SARDH: variants seen among roughly 807,000 people sequenced by gnomAD.
SARDH encodes the protein sarcosine dehydrogenase, mitochondrial.
Under a neutral mutation model 109.1 loss-of-function variants are expected in SARDH, and 95 were observed. The observed-to-expected ratio is 0.87, with a 90% CI of 0.74 to 1.03. The LOEUF is 1.03. Ranked by LOEUF, SARDH falls within the 50% of genes least tolerant of loss-of-function variation. The pLI, the probability that SARDH is intolerant of heterozygous loss-of-function variation, is 0.00. For missense variants in SARDH, 1,267 were observed against 1,287.8 expected (o/e 0.98, Z 0.25); for synonymous variants, 572 against 534.8 (o/e 1.07, Z -0.96).
rs1830895522 is a variant in SARDH at position 133,686,625 on chromosome 9, A to T, written c.2070-1339T>A. 6.6e-6 allele frequency among the ~76,000 whole-genome samples: 1 copy of T among 151,646 alleles called. No individual in the cohort carries two copies. The stretch of plus-strand genomic sequence containing the variant: ...TCAGTAAATAGAACTGACTGTGAAC[A>T]CCCTGGCTTGGCACAGCAGGGTGAG... On this transcript the variant is annotated intron_variant, in intron 16 of 20. Transcript: ENST00000439388. The surrounding 1 kb of genome is among the most constrained non-coding windows in gnomAD (Gnocchi z 4.0).
chr9:133,661,480 TC>T (rs1280915519), downstream of SARDH, among the ~76,000 whole-genome samples: 275 of 152,138 alleles, frequency 1.8e-3, no homozygotes, highest in African/African-American at 5.6e-3. Context: ...GTAGGCACTT[TC>T]TTTTTTTTGT....
At chr9:133,730,956 G>A (rs990266423) in intron 4 of SARDH, among the ~76,000 whole-genome samples, 1 of 152,170 alleles carries the variant, frequency 6.6e-6, no homozygotes, top group Non-Finnish European at 1.5e-5. Flanking sequence ...CAGCCTGGGC[G>A]ACAGAGCGAG....
At position 133,734,125 on chromosome 9, in the gene SARDH, G is replaced by A. The variant is rs1191473910; in HGVS notation, c.49C>T (p.Gln17Ter). 6.2e-7 allele frequency: 1 copy of A among 1,609,616 alleles called. No individual in the cohort carries two copies. Among genetic ancestry groups the A allele is most frequent in the Non-Finnish European group, 8.5e-7 (1 of 1,178,500 alleles). The change falls in exon 2 of 21, where the codon CAG becomes TAG. Residue 17 changes from glutamine to a stop codon, truncating the protein, a stop_gained. Coordinates refer to ENST00000439388, the MANE Select transcript of SARDH (RefSeq NM_001134707.2). LOFTEE classifies it high-confidence loss of function. ...ALRVAAAHPR[Q>*]SPTRGMGPCN... ...GGCCCCATGCCCCGGGTAGGGCTCT[G>A]GCGAGGGTGGGCAGCAGCCACACGT... is the stretch of plus-strand genomic sequence containing the variant.
intron 11 of SARDH, among the ~76,000 whole-genome samples, chr9:133,706,608 G>T (rs1831704728): frequency 6.6e-6 from 1 of 152,184 alleles, no homozygotes; most frequent in Non-Finnish European, 1.5e-5. Flanking sequence ...CTCATTTTAA[G>T]ATCTGCCTAC....
chr9:133,725,655 A>C (rs559018983), intron 6 of SARDH: 1 of 242,258 alleles, frequency 4.1e-6, no homozygotes, highest in African/African-American at 2.3e-5. Context: ...CAGTGTGGGC[A>C]ACAAAGTGAA....
intron 6 of SARDH, among the ~76,000 whole-genome samples, chr9:133,721,504 G>A (rs150184861): frequency 3.9e-5 from 6 of 152,336 alleles, no homozygotes; most frequent in African/African-American, 1.4e-4. Context: ...CCCAGAAAGA[G>A]TGAAAGCCAT....
intron 13 of SARDH, 97 bp from the exon 14 acceptor site, chr9:133,696,458 G>A: frequency 6.8e-7 from 1 of 1,471,956 alleles, no homozygotes; most frequent in Non-Finnish European, 9.4e-7. Context: ...CAACACACCT[G>A]TACTGAGCCT....
At chr9:133,696,436 G>A (rs1001087223) in intron 13 of SARDH, 75 bp from the exon 14 acceptor site, 63 of 1,595,772 alleles carry the variant, frequency 3.9e-5, no homozygotes, top group Admixed American at 2.5e-4. Context: ...CGTGGAGAAC[G>A]GGGGCTGTGT....
At chr9:133,716,297 C>A (rs2427981) in intron 8 of SARDH, among the ~76,000 whole-genome samples, 85,925 of 152,186 alleles carry the variant, frequency 0.56, 24,360 homozygotes, top group Non-Finnish European at 0.59. Flanking sequence ...CCTCCACCAC[C>A]GACGAAGTGC....
At chr9:133,736,844 T>C (rs1832901184) in intron 1 of SARDH, among the ~76,000 whole-genome samples, 1 of 152,228 alleles carries the variant, frequency 6.6e-6, no homozygotes, top group Non-Finnish European at 1.5e-5. Flanking sequence ...TGATCCAAGA[T>C]GTGAAGTGCT....
intron 6 of SARDH, 92 bp from the exon 7 acceptor site, chr9:133,719,134 G>A (rs1832232542): frequency 9.7e-7 from 1 of 1,033,380 alleles, no homozygotes; most frequent in South Asian, 1.3e-5. Flanking sequence ...CCTCCACCCA[G>A]GGTCACGGGC....
chr9:133,677,672 G>A (rs989096905), intron 17 of SARDH, among the ~76,000 whole-genome samples: 1 of 152,214 alleles, frequency 6.6e-6, no homozygotes, highest in African/African-American at 2.4e-5. Context: ...GGACCCTGCT[G>A]GGAACAGAGT....
intron 17 of SARDH, among the ~76,000 whole-genome samples, chr9:133,672,282 A>T (rs1830377887): frequency 6.6e-6 from 1 of 152,242 alleles, no homozygotes; most frequent in Admixed American, 6.5e-5. Flanking sequence ...CCCTAGCCCT[A>T]GATAATATCA....
chr9:133,663,277 G>A (rs574157274), downstream of SARDH, among the ~76,000 whole-genome samples: 3 of 152,332 alleles, frequency 2.0e-5, no homozygotes, highest in South Asian at 4.1e-4. Context: ...CTGTGTTCCC[G>A]GGCTGCCGAC....
At chr9:133,714,604 C>T (rs1051237367) in intron 8 of SARDH, among the ~76,000 whole-genome samples, 7 of 152,108 alleles carry the variant, frequency 4.6e-5, no homozygotes, top group East Asian at 3.9e-4. Flanking sequence ...CATAGCGAGA[C>T]GGCATCTCTA....
rs142585436 is a variant in SARDH, at chr9:133,717,146, T to C, written c.1150+180A>G. 2.7e-3 allele frequency among the ~76,000 whole-genome samples: 410 copies of C among 152,040 alleles called. 2 individuals carry two copies. The highest frequency in any genetic ancestry group is 9.5e-3 in the African/African-American group (392 of 41,446). Reference sequence around the variant, plus strand: ...TTGTGAAGCCCAGGCCTCTCGCCCGTAGAGGGGAATAAAGGCCACACCTAG... The same window carrying C: ...TTGTGAAGCCCAGGCCTCTCGCCCGCAGAGGGGAATAAAGGCCACACCTAG... On this transcript the variant is annotated intron_variant, in intron 8 of 20. Coordinates refer to ENST00000439388, the MANE Select transcript of SARDH (RefSeq NM_001134707.2).
chr9:133,676,570 C>T (rs1351466721), intron 17 of SARDH, among the ~76,000 whole-genome samples: 2 of 152,204 alleles, frequency 1.3e-5, no homozygotes, highest in East Asian at 1.9e-4. Flanking sequence ...TCCTGGACCA[C>T]AGGAACAGAG....
rs1371067484 is a variant in SARDH at position 133,732,557 on chromosome 9, G to C, written c.376C>G (p.Leu126Val). ...CTCACCACCCGCCGAGTGTGGGCCA[G>C]AAGCTCCACCTCCACGTCACTGGGC... ...LRPSDVEVELLAHTRRVVSRE... is the reference protein window; with the variant it reads ...LRPSDVEVELVAHTRRVVSRE... Residue 126 changes from leucine (L) to valine (V), a missense_variant, in exon 3 of 21, where the codon CTG (leucine) becomes GTG (valine). Transcript: ENST00000439388. The C allele has an allele frequency of 6.2e-7, 1 of 1,613,344 alleles. No individual in the cohort carries two copies. The highest frequency in any genetic ancestry group is 8.5e-7 in the Non-Finnish European group (1 of 1,179,730).
downstream of SARDH, among the ~76,000 whole-genome samples, chr9:133,663,371 C>T (rs761476983): frequency 5.9e-5 from 9 of 152,232 alleles, no homozygotes; most frequent in Non-Finnish European, 1.0e-4. Flanking sequence ...ACCTGAGAGC[C>T]GAGAGGCACC....
Sources: allele counts gnomAD v4.1 joint callset (sites outside exome capture counted in the v4.1 genomes callset), GRCh38; gene constraint gnomAD v4.1.1; non-coding constraint Gnocchi (gnomAD v3.1); transcripts MANE v1.5; gene names NCBI Gene and HGNC (gene_info 2026-07-23, HGNC 2026-07-21).